Variants in PPM1E observed in about 807,000 individuals in gnomAD.
The protein encoded by PPM1E is protein phosphatase 1E.
In PPM1E, 20 loss-of-function variants were observed where a neutral mutation model predicts 65.9. That is an observed-to-expected ratio of 0.30 (90% CI 0.21 to 0.44). The LOEUF is 0.44. Among genes scored for constraint, PPM1E ranks in the 20% least tolerant of loss-of-function variants. PPM1E has a pLI of 1.00. For synonymous variants in PPM1E, 352 were observed against 374.9 expected (o/e 0.94, Z 0.70); for missense variants, 713 against 953.1 (o/e 0.75, Z 3.32).
chr17:58,814,185 A>T (rs972534774), intron 1 of PPM1E, among the ~76,000 whole-genome samples: 23 of 152,216 alleles, frequency 1.5e-4, no homozygotes, highest in African/African-American at 5.5e-4. Context: ...TTCTAAGTTG[A>T]TTCTAGAAAA....
At chr17:58,775,881 T>C (rs1223723091) in intron 1 of PPM1E, among the ~76,000 whole-genome samples, 3 of 113,658 alleles carry the variant, frequency 2.6e-5, no homozygotes, top group Non-Finnish European at 4.9e-5. Context: ...GCCACTGCAG[T>C]CCGCAGTCCG....
At position 58,983,360 on chromosome 17, in the gene PPM1E, A is replaced by G. The variant is rs2031497562; in HGVS notation, c.*2329A>G. ...TAAATCCTTTAAAATTCTATAATACATACTAAAATAGTGGTTATTGGTCTG... is the reference window on the plus strand; with the variant it reads ...TAAATCCTTTAAAATTCTATAATACGTACTAAAATAGTGGTTATTGGTCTG... On this transcript the variant is annotated 3_prime_UTR_variant, in exon 7 of 7. Transcript: ENST00000308249. 6.4e-6 allele frequency: 1 copy of G among 156,860 alleles called. No homozygotes were observed. The highest frequency in any genetic ancestry group is 2.4e-5 in the African/African-American group (1 of 41,516). The allele number at this position is 156,860 out of a possible 1,614,324, so 9.7% of individuals were successfully genotyped here. A position where few individuals can be genotyped will look rare whatever the true frequency, so the allele number is the denominator to read the frequency against.
intron 3 of PPM1E, among the ~76,000 whole-genome samples, chr17:58,967,792 A>G (rs1443495781): frequency 1.4e-5 from 2 of 147,870 alleles, no homozygotes; most frequent in South Asian, 2.1e-4. Flanking sequence ...ACCTGTCAGC[A>G]TTCTTTATTT....
intron 1 of PPM1E, among the ~76,000 whole-genome samples, chr17:58,820,102 C>T: frequency 6.6e-6 from 1 of 151,998 alleles, no homozygotes; most frequent in East Asian, 1.9e-4. Flanking sequence ...AGCCCTCACT[C>T]ACTAGTGTGA....
In PPM1E at chr17:58,886,458, A is replaced by G. The variant is rs1034762679; in HGVS notation, c.465-69191A>G. Among the ~76,000 whole-genome samples, 12 of 152,304 alleles carry G rather than the reference A, an allele frequency of 7.9e-5. No homozygotes were observed. In the South Asian group the frequency reaches 8.3e-4, roughly 11 times the overall value. On this transcript the variant is annotated intron_variant, in intron 1 of 6. Coordinates refer to ENST00000308249, the MANE Select transcript of PPM1E (RefSeq NM_014906.5). ...GAACAAACTCAGGTCACAGGATCCA[A>G]TGGAAAGAGTTTGAATTCCCATAGC... is the stretch of plus-strand genomic sequence containing the variant.
intron 1 of PPM1E, among the ~76,000 whole-genome samples, chr17:58,809,512 T>C: frequency 6.6e-6 from 1 of 152,276 alleles, no homozygotes; most frequent in Non-Finnish European, 1.5e-5. Context: ...CCTCCCAAGG[T>C]AGCTAAGACT....
intron 1 of PPM1E, among the ~76,000 whole-genome samples, chr17:58,880,946 T>C (rs1161700678): frequency 1.3e-5 from 2 of 152,174 alleles, no homozygotes; most frequent in Non-Finnish European, 2.9e-5. Context: ...ATAAACAACA[T>C]GCAATATTCA....
intron 1 of PPM1E, among the ~76,000 whole-genome samples, chr17:58,842,040 C>T (rs1002769784): frequency 2.6e-5 from 4 of 152,054 alleles, no homozygotes; most frequent in African/African-American, 9.7e-5. Context: ...CGGGGTTTCC[C>T]TGTGTTGGGT....
Position 58,886,827 on chromosome 17 carries a change from A to G in PPM1E, c.465-68822A>G, listed in dbSNP as rs115330010. On this transcript the variant is annotated intron_variant, in intron 1 of 6. Transcript: ENST00000308249. ...TGAAAGGTTGAGAAAGAGCATATCT[A>G]TGGAGATAGAAAGCAAGTTAGTAGT... Among the ~76,000 whole-genome samples, 1,304 of 152,348 alleles carry G rather than the reference A, an allele frequency of 8.6e-3. 19 individuals are homozygous for G. Among genetic ancestry groups the G allele is most frequent in the African/African-American group, 0.029 (1,217 of 41,580 alleles).
chr17:58,873,619 G>T (rs1056577994), intron 1 of PPM1E, among the ~76,000 whole-genome samples: 16 of 142,808 alleles, frequency 1.1e-4, no homozygotes, highest in Non-Finnish European at 1.7e-4. Flanking sequence ...TTCGAGTCAG[G>T]GTCTCACTTT....
At chr17:58,971,681 A>G (rs1245065128) in intron 4 of PPM1E, among the ~76,000 whole-genome samples, 2 of 152,218 alleles carry the variant, frequency 1.3e-5, no homozygotes, top group African/African-American at 2.4e-5. Context: ...ATATCATTTT[A>G]TACAGCTAGG....
intron 1 of PPM1E, among the ~76,000 whole-genome samples, chr17:58,942,995 C>T (rs2052095153): frequency 6.6e-6 from 1 of 151,814 alleles, no homozygotes; most frequent in Non-Finnish European, 1.5e-5. Flanking sequence ...TGCACTCCAG[C>T]CTGGAAAACA....
Position 58,902,632 on chromosome 17 carries a change from A to G in PPM1E, c.465-53017A>G, listed in dbSNP as rs536734470. Among the ~76,000 whole-genome samples, 7 of 152,282 alleles carry G rather than the reference A, an allele frequency of 4.6e-5. No homozygotes were observed. The South Asian group carries it at 1.2e-3, about 27-fold the overall frequency. ...TTTTGTTTGCAGTTCCTAAATCCAA[A>G]TTATAAATTTATCTTGCAGTATTAT... On this transcript the variant is annotated intron_variant, in intron 1 of 6. Transcript: ENST00000308249.
intron 1 of PPM1E, among the ~76,000 whole-genome samples, chr17:58,851,731 G>C (rs1028860625): frequency 6.6e-6 from 1 of 152,208 alleles, no homozygotes; most frequent in Non-Finnish European, 1.5e-5. Flanking sequence ...CTGGGTCAGG[G>C]ACCCACTTGA....
In PPM1E at chr17:58,841,521, CT is replaced by C. The variant is rs34826804; in HGVS notation, c.464+85077del. On this transcript the variant is annotated intron_variant, in intron 1 of 6. Transcript: ENST00000308249. ...AATCTAACCATGAGAAAAACAAATA[CT>C]TTTTTTTTTTTTTTTTGAGGCGGAG... Among the ~76,000 whole-genome samples, 327 of 98,926 alleles carry C rather than the reference CT, an allele frequency of 3.3e-3. 1 individual carries two copies. The highest frequency in any genetic ancestry group is 0.013 in the Middle Eastern group (3 of 224). The allele number at this position is 98,926 out of a possible 152,430, so 64.9% of individuals were successfully genotyped here.
At chr17:58,880,050 T>TC (rs1469211895) in intron 1 of PPM1E, among the ~76,000 whole-genome samples, 3 of 152,304 alleles carry the variant, frequency 2.0e-5, no homozygotes, top group Non-Finnish European at 4.4e-5. Flanking sequence ...TTACAGTCAA[T>TC]CACTGGTATA....
At chr17:58,924,390 A>G (rs1443609389) in intron 1 of PPM1E, among the ~76,000 whole-genome samples, 2 of 152,074 alleles carry the variant, frequency 1.3e-5, no homozygotes, top group Non-Finnish European at 2.9e-5. Flanking sequence ...GGCTCTACAG[A>G]AAATTAAAAA....
chr17:58,883,707 G>A (rs1284205959), intron 1 of PPM1E, among the ~76,000 whole-genome samples: 8 of 151,102 alleles, frequency 5.3e-5, no homozygotes, highest in Admixed American at 5.3e-4. Context: ...GGATGGTCTC[G>A]ATCTCCTGAC....
intron 1 of PPM1E, among the ~76,000 whole-genome samples, chr17:58,849,116 GAT>G (rs1429876073): frequency 1.3e-5 from 2 of 152,116 alleles, no homozygotes; most frequent in African/African-American, 4.8e-5. Context: ...GATTGGTGGT[GAT>G]ATCCCCTTTA....
Sources: allele counts gnomAD v4.1 joint callset (sites outside exome capture counted in the v4.1 genomes callset), GRCh38; gene constraint gnomAD v4.1.1; transcripts MANE v1.5; gene names NCBI Gene and HGNC (gene_info 2026-07-23, HGNC 2026-07-21).